Variants in LTA4H observed in about 807,000 individuals in gnomAD.
LTA4H encodes leukotriene A-4 hydrolase.
A neutral mutation model predicts 89.8 loss-of-function variants in LTA4H; 59 were observed. The ratio of observed to expected loss-of-function variants is 0.66; its 90% CI spans 0.53 to 0.82. The LOEUF is 0.82. LTA4H is among the 40% of genes least tolerant of loss of function. LTA4H has a pLI of 0.00. For missense variants in LTA4H, 617 were observed against 727.0 expected, an observed-to-expected ratio of 0.85 and a Z score of 1.74; for synonymous variants, 227 against 253.1, an observed-to-expected ratio of 0.90 and a Z score of 0.98.
upstream of LTA4H, among the ~76,000 whole-genome samples, chr12:96,035,983 G>C (rs560739828): frequency 6.5e-4 from 99 of 152,324 alleles, 1 homozygote; most frequent in Admixed American, 3.7e-3. Context: ...GAGCAAAAAC[G>C]TAGAAAAGGC....
chr12:96,003,497 CATATA>C (rs1320804189), intron 17 of LTA4H: 20 of 196,130 alleles, frequency 1.0e-4, no homozygotes, highest in Admixed American at 2.3e-4. Flanking sequence ...GAAAGATTAA[CATATA>C]ATAGAATAAA....
chr12:96,026,399 GAAT>G (rs1224912061), intron 3 of LTA4H, among the ~76,000 whole-genome samples: 2 of 152,092 alleles, frequency 1.3e-5, no homozygotes, highest in African/African-American at 4.8e-5. Context: ...ATAAGAAATG[GAAT>G]AATATATTCA....
At chr12:96,034,901 G>C (rs985616132) in intron 1 of LTA4H, among the ~76,000 whole-genome samples, 8 of 152,240 alleles carry the variant, frequency 5.3e-5, no homozygotes, top group Non-Finnish European at 4.4e-5. Flanking sequence ...TGCCCAGGGG[G>C]CTGGGAAAAG....
intron 14 of LTA4H, chr12:96,010,488 G>C (rs1950282762): frequency 6.6e-6 from 1 of 152,242 alleles, no homozygotes; most frequent in Non-Finnish European, 1.5e-5. Flanking sequence ...AGTGGTTCTT[G>C]AGCTGAGATT....
At chr12:96,003,786 A>G in intron 17 of LTA4H, 52 bp downstream of exon 17, 1 of 1,263,828 alleles carries the variant, frequency 7.9e-7, no homozygotes, top group Non-Finnish European at 1.1e-6. Flanking sequence ...CCATCTTTCA[A>G]AGGAGTTTAG....
chr12:96,030,967 T>G (rs1359286844), intron 1 of LTA4H, among the ~76,000 whole-genome samples: 1 of 152,202 alleles, frequency 6.6e-6, no homozygotes, highest in Non-Finnish European at 1.5e-5. Context: ...AAAACTTGAT[T>G]TGAGTATCTT....
intron 14 of LTA4H, chr12:96,010,349 T>C (rs1950280058): frequency 6.6e-6 from 1 of 152,174 alleles, no homozygotes; most frequent in African/African-American, 2.4e-5. Flanking sequence ...GGAAATACTT[T>C]AATCATACGA....
chr12:96,020,985 T>G, intron 6 of LTA4H, 100 bp downstream of exon 6: 6 of 883,294 alleles, frequency 6.8e-6, no homozygotes, highest in Non-Finnish European at 1.1e-5. Context: ...CTTGATATCT[T>G]GAGAAATATG....
upstream of LTA4H, among the ~76,000 whole-genome samples, chr12:96,039,924 A>G (rs1313207135): frequency 6.6e-6 from 1 of 152,186 alleles, no homozygotes; most frequent in South Asian, 2.1e-4. Flanking sequence ...TACCTCTTGG[A>G]TAATTTATAC....
At chr12:96,034,599 G>A (rs1950614901) in intron 1 of LTA4H, among the ~76,000 whole-genome samples, 1 of 152,200 alleles carries the variant, frequency 6.6e-6, no homozygotes, top group East Asian at 1.9e-4. Context: ...AAGTTGATAA[G>A]ATTAAAAAGT....
At chr12:96,036,179 C>A (rs150391955), upstream of LTA4H, among the ~76,000 whole-genome samples, 1 of 152,190 alleles carries the variant, frequency 6.6e-6, no homozygotes, top group Non-Finnish European at 1.5e-5. Context: ...TTATGTATAT[C>A]CCCAGAACCT....
At chr12:96,040,485 GT>G (rs199984268), upstream of LTA4H, among the ~76,000 whole-genome samples, 1,650 of 152,316 alleles carry the variant, frequency 0.011, 21 homozygotes, top group South Asian at 0.074. Context: ...CCAATGGCAT[GT>G]AAGTGGAATT....
rs982548440 is a variant in LTA4H at position 96,041,986 on chromosome 12, C to T, written c.87+1303G>A. Among the ~76,000 whole-genome samples, 873 of 109,818 alleles carry T rather than the reference C, an allele frequency of 7.9e-3. 7 individuals are homozygous for T. Among genetic ancestry groups the T allele is most frequent in the African/African-American group, 0.026 (717 of 27,544 alleles). The allele number at this position is 109,818 out of a possible 152,430, so 72.0% of individuals were successfully genotyped here. On this transcript the variant is annotated intron_variant, in intron 1 of 17. Transcript: ENST00000413268. ...TAAACGTTTCTTTTTGTTTTTTTTTCTTTTTTTTTTTTTTTTTGACAGGGT... is the reference window on the plus strand; with the variant it reads ...TAAACGTTTCTTTTTGTTTTTTTTTTTTTTTTTTTTTTTTTTTGACAGGGT...
At chr12:96,016,991 G>A in intron 10 of LTA4H, 53 bp downstream of exon 10, 13 of 1,201,706 alleles carry the variant, frequency 1.1e-5, no homozygotes, top group African/African-American at 1.5e-5. Flanking sequence ...AGGAGGCAGG[G>A]AAAAAAAAAT....
intron 14 of LTA4H, chr12:96,011,933 T>C (rs577190312): frequency 6.6e-6 from 1 of 152,184 alleles, no homozygotes; most frequent in Non-Finnish European, 1.5e-5. Context: ...AAATCTAAAG[T>C]ATTATTTTTG....
At chr12:96,019,081 T>C in intron 7 of LTA4H, 87 bp downstream of exon 7, 1 of 1,286,786 alleles carries the variant, frequency 7.8e-7, no homozygotes. Context: ...TCTTTCCCCG[T>C]ATCACTTAAA....
chr12:96,006,580 A>C (rs957880508), intron 15 of LTA4H, among the ~76,000 whole-genome samples, 171 bp from the exon 16 acceptor site: 1 of 152,222 alleles, frequency 6.6e-6, no homozygotes, highest in Non-Finnish European at 1.5e-5. Context: ...GAGTTACTGT[A>C]ATTTAAATAG....
intron 1 of LTA4H, among the ~76,000 whole-genome samples, chr12:96,030,107 A>G (rs1390638324): frequency 6.6e-6 from 1 of 152,036 alleles, no homozygotes; most frequent in Non-Finnish European, 1.5e-5. Context: ...AATAACCTTG[A>G]CCTCTGTCTA....
chr12:96,021,058 A>T (rs750148202), intron 6 of LTA4H, 27 bp downstream of exon 6: 1 of 1,595,346 alleles, frequency 6.3e-7, no homozygotes, highest in African/African-American at 1.4e-5. Flanking sequence ...TCTTTCCACA[A>T]ACCTGAAAAT....
Sources: allele counts gnomAD v4.1 joint callset (sites outside exome capture counted in the v4.1 genomes callset), GRCh38; gene constraint gnomAD v4.1.1; transcripts MANE v1.5; gene names NCBI Gene and HGNC (gene_info 2026-07-23, HGNC 2026-07-21).